Variants in FRMD4B observed in about 807,000 individuals in gnomAD.
The protein encoded by FRMD4B is FERM domain containing 4B.
In FRMD4B, 74 loss-of-function variants were observed where a neutral mutation model predicts 141.5. That is an observed-to-expected ratio of 0.52 (90% CI 0.43 to 0.63). FRMD4B has a LOEUF of 0.63. Ranked by LOEUF, FRMD4B falls within the 30% of genes least tolerant of loss-of-function variation. The pLI is 0.00. For synonymous variants in FRMD4B, 506 were observed against 467.9 expected, an observed-to-expected ratio of 1.08 and a Z score of -1.05; for missense variants, 1,366 against 1,253.4, an observed-to-expected ratio of 1.09 and a Z score of -1.36.
rs1398924864 is a variant in FRMD4B, at chr3:69,502,295, C to G, written c.-129+39911G>C. Among the ~76,000 whole-genome samples the G allele has an allele frequency of 3.3e-5, 5 of 152,292 alleles. No homozygotes were observed. In the East Asian group the frequency reaches 7.7e-4, roughly 24 times the overall value. ...GACTTCAAACTATACTACAAGGCTA[C>G]AGTAACCAAAACAGCATAATAGTGG... On this transcript the variant is annotated intron_variant, in intron 1 of 5. Coordinates refer to the FRMD4B transcript ENST00000459638.
chr3:69,347,826 T>C (rs915728472), intron 1 of FRMD4B, among the ~76,000 whole-genome samples: 2 of 152,152 alleles, frequency 1.3e-5, no homozygotes, highest in South Asian at 2.1e-4. Flanking sequence ...GGGACACATT[T>C]AAAGCAGTGT....
intron 5 of FRMD4B, among the ~76,000 whole-genome samples, chr3:69,273,498 C>G (rs909527488): frequency 2.6e-5 from 4 of 152,158 alleles, no homozygotes; most frequent in African/African-American, 4.8e-5. Context: ...AGTAAAGTAT[C>G]AACTCTGGAA....
intron 1 of FRMD4B, among the ~76,000 whole-genome samples, chr3:69,488,855 T>C (rs1448445441): frequency 7.7e-6 from 1 of 130,564 alleles, no homozygotes; most frequent in Non-Finnish European, 1.5e-5. Flanking sequence ...ATCACACCAC[T>C]GCACTCCAGC....
chr3:69,316,122 A>G (rs1443084345), intron 1 of FRMD4B, among the ~76,000 whole-genome samples: 1 of 152,260 alleles, frequency 6.6e-6, no homozygotes, highest in Non-Finnish European at 1.5e-5. Flanking sequence ...CTCTGCTTTA[A>G]GAGTCTGAAA....
intron 1 of FRMD4B, among the ~76,000 whole-genome samples, chr3:69,507,319 C>G (rs1023342662): frequency 6.6e-6 from 1 of 152,104 alleles, no homozygotes; most frequent in Admixed American, 6.5e-5. Context: ...CTATTGATTT[C>G]AAGTTCTAAG....
At chr3:69,483,149 A>T (rs189764464) in intron 1 of FRMD4B, among the ~76,000 whole-genome samples, 281 of 152,362 alleles carry the variant, frequency 1.8e-3, no homozygotes, top group Non-Finnish European at 3.1e-3. Flanking sequence ...GTGGTACCAG[A>T]TGTTCCAAAA....
intron 5 of FRMD4B, among the ~76,000 whole-genome samples, chr3:69,273,904 G>T (rs147756452): frequency 2.4e-3 from 357 of 151,040 alleles, no homozygotes; most frequent in African/African-American, 8.5e-3. Flanking sequence ...TGTAGGAAAT[G>T]GTGGTGGTAG....
intron 22 of FRMD4B, 76 bp downstream of exon 22, chr3:69,176,448 A>T (rs1031436370): frequency 4.8e-6 from 6 of 1,242,924 alleles, no homozygotes; most frequent in Non-Finnish European, 7.0e-6. Flanking sequence ...AGATTATCTG[A>T]CGTTTGTAAA....
Position 69,198,760 on chromosome 3 carries a change from T to C in FRMD4B, c.891A>G (p.Lys297=). Residue 297 remains lysine (K), a synonymous_variant, in exon 12 of 23, where the codon AAA becomes AAG. Coordinates refer to ENST00000398540, the MANE Select transcript of FRMD4B (RefSeq NM_015123.3). ...CACGGAAATATAAGTTCTCCAGCTG[T>C]TTCCATTGGAATAACTAAAGAAAAC... ...KVKPRKLFQW[K]QLENLYFREK... is the part of the protein sequence containing the mutation. The C allele has an allele frequency of 1.3e-6, 2 of 1,535,754 alleles. No individual in the cohort carries two copies. The highest frequency in any genetic ancestry group is 2.3e-5 in the East Asian group (1 of 43,584).
At chr3:69,267,858 C>T (rs976117831) in intron 5 of FRMD4B, among the ~76,000 whole-genome samples, 1 of 151,728 alleles carries the variant, frequency 6.6e-6, no homozygotes, top group Non-Finnish European at 1.5e-5. Flanking sequence ...GTCTCACACT[C>T]GTGGCCTCAA....
At chr3:69,177,049 AG>A (rs1441843103) in intron 21 of FRMD4B, among the ~76,000 whole-genome samples, 2 of 152,226 alleles carry the variant, frequency 1.3e-5, no homozygotes, top group African/African-American at 2.4e-5. Context: ...AAAATAATCT[AG>A]GTTGGGGCCA....
chr3:69,335,347 C>A (rs971354156), intron 1 of FRMD4B, among the ~76,000 whole-genome samples: 7 of 149,584 alleles, frequency 4.7e-5, no homozygotes, highest in African/African-American at 1.2e-4. Context: ...GACATTGTTG[C>A]ATAACTTTTT....
chr3:69,314,116 G>A (rs2107240561), intron 1 of FRMD4B, among the ~76,000 whole-genome samples: 1 of 99,124 alleles, frequency 1.0e-5, no homozygotes, highest in Middle Eastern at 0.012. Flanking sequence ...TCCAGCCTGG[G>A]CGACAGAGCG....
chr3:69,240,753 G>A (rs1007072970), intron 7 of FRMD4B, among the ~76,000 whole-genome samples: 3 of 152,138 alleles, frequency 2.0e-5, no homozygotes, highest in Non-Finnish European at 4.4e-5. Flanking sequence ...AGACTGTATT[G>A]TTATGTGTTA....
Position 69,176,634 on chromosome 3 carries a change from C to A in FRMD4B, c.2874G>T (p.Gly958=). Residue 958 remains glycine (G), a synonymous_variant, in exon 22 of 23, where the codon GGG becomes GGT. Transcript: ENST00000398540. ...CTATGGTTAACTGGGTCCTCCAGTT[C>A]CCAGAAGCATTTGTAGAAGACACTG... The part of the protein sequence containing the change: ...YSSVSSTNAS[G]NWRTQLTIGL... The A allele has an allele frequency of 6.2e-7, 1 of 1,600,704 alleles. No homozygotes were observed. The highest frequency in any genetic ancestry group is 8.6e-7 in the Non-Finnish European group (1 of 1,168,176).
At chr3:69,540,600 G>A (rs555434222) in intron 1 of FRMD4B, among the ~76,000 whole-genome samples, 1 of 103,170 alleles carries the variant, frequency 9.7e-6, no homozygotes, top group Admixed American at 1.4e-4. Context: ...GCGACAGAGT[G>A]AGACTCTGTC....
At chr3:69,506,201 G>C (rs1293589868) in intron 1 of FRMD4B, among the ~76,000 whole-genome samples, 1 of 152,102 alleles carries the variant, frequency 6.6e-6, no homozygotes, top group African/African-American at 2.4e-5. Context: ...TGGTGCTGAT[G>C]GATTGGCCCT....
chr3:69,310,327 C>A, intron 3 of FRMD4B: 1 of 391,250 alleles, frequency 2.6e-6, no homozygotes, highest in Non-Finnish European at 5.1e-6. Flanking sequence ...CCTGATTAAA[C>A]TAAAGAACTG....
Position 69,193,649 on chromosome 3 carries a change from T to A in FRMD4B, c.1713A>T (p.Pro571=), listed in dbSNP as rs766375084. 1.3e-6 allele frequency: 2 copies of A among 1,591,184 alleles called. No homozygotes were observed. Among genetic ancestry groups the A allele is most frequent in the South Asian group, 2.2e-5 (2 of 89,444 alleles). ...AAAAAAACCTTACTTATTACTAACC[T>A]GGTAACACTGTTGCTTTCTGGCTGG... ...KKPSQKATVL[P]EDIIPSESSS... Residue 571 remains proline (P), a splice_region_variant and synonymous_variant, in exon 17 of 23, where the codon CCA becomes CCT. Transcript: ENST00000398540.
Sources: gnomAD v4.1 joint callset for allele counts (sites outside exome capture counted in the v4.1 genomes callset) on GRCh38, gnomAD v4.1.1 for gene constraint, MANE v1.5 for transcripts, NCBI Gene and HGNC (gene_info 2026-07-23, HGNC 2026-07-21) for gene names.